TENM2: variants seen among roughly 807,000 people sequenced by gnomAD.
TENM2 encodes teneurin-2.
Under a neutral mutation model 245.2 loss-of-function variants are expected in TENM2, and 52 were observed. The ratio of observed to expected loss-of-function variants is 0.21; its 90% CI spans 0.17 to 0.27. The LOEUF is 0.27. TENM2 is among the 10% of genes least tolerant of loss of function. The pLI is 1.00. For synonymous variants in TENM2, 1,363 were observed against 1,438.9 expected, an observed-to-expected ratio of 0.95 and a Z score of 1.19; for missense variants, 3,046 against 3,666.8, an observed-to-expected ratio of 0.83 and a Z score of 4.37.
At chr5:167,594,445 T>A (rs1248903058) in intron 2 of TENM2, among the ~76,000 whole-genome samples, 1 of 152,212 alleles carries the variant, frequency 6.6e-6, no homozygotes, top group Non-Finnish European at 1.5e-5. Flanking sequence ...AAATGTGGGT[T>A]GTCATGAAAC....
chr5:167,962,984 A>G lies in TENM2; in HGVS notation c.947+10162A>G, dbSNP rs376995583. ...GCCAAGAGCTATGTTAGGTACTGGCAAGATACTGATTAAAACATGTATTGT... is the reference window on the plus strand; with the variant it reads ...GCCAAGAGCTATGTTAGGTACTGGCGAGATACTGATTAAAACATGTATTGT... On this transcript the variant is annotated intron_variant, in intron 4 of 28. Transcript: ENST00000518659. Among the ~76,000 whole-genome samples the G allele has an allele frequency of 2.8e-4, 43 of 152,314 alleles. No individual in the cohort carries two copies. The South Asian group carries it at 8.5e-3, about 30-fold the overall frequency.
chr5:167,916,290 C>T (rs960406124), intron 3 of TENM2, among the ~76,000 whole-genome samples: 3 of 152,144 alleles, frequency 2.0e-5, no homozygotes, highest in Non-Finnish European at 4.4e-5. Context: ...GCTCCGAATC[C>T]ATTGAAAGGC....
At chr5:167,488,145 A>G (rs1376472726) in intron 2 of TENM2, among the ~76,000 whole-genome samples, 1 of 152,086 alleles carries the variant, frequency 6.6e-6, no homozygotes, top group Admixed American at 6.6e-5. Flanking sequence ...TTCATCATAA[A>G]TTATTCTGTC....
chr5:167,353,252 T>C (rs1004770773), intron 1 of TENM2, among the ~76,000 whole-genome samples: 2 of 141,446 alleles, frequency 1.4e-5, no homozygotes, highest in Admixed American at 1.6e-4. Context: ...ATATAAACTA[T>C]AAAAAAGGGA....
At chr5:166,990,756 A>G in the TENM2 span, among the ~76,000 whole-genome samples, 14 of 152,194 alleles carry the variant, frequency 9.2e-5, no homozygotes, top group African/African-American at 3.4e-4. Context: ...AAAATTTTTT[A>G]CTTTTCTGTT....
chr5:167,063,023 G>A, the TENM2 span, among the ~76,000 whole-genome samples: 312 of 152,302 alleles, frequency 2.0e-3, 2 homozygotes, highest in African/African-American at 6.7e-3. Flanking sequence ...AATTTTTGAT[G>A]TAGGTCAACT....
At chr5:167,153,283 T>G in the TENM2 span, among the ~76,000 whole-genome samples, 9 of 151,986 alleles carry the variant, frequency 5.9e-5, no homozygotes, top group Non-Finnish European at 1.3e-4. Flanking sequence ...GATTAACACG[T>G]ATTTCATGTT....
intron 2 of TENM2, among the ~76,000 whole-genome samples, chr5:167,741,785 C>A (rs1446612629): frequency 2.6e-5 from 4 of 152,206 alleles, no homozygotes; most frequent in African/African-American, 7.2e-5. Context: ...CCATCTTCAG[C>A]CCCTCATTCC....
chr5:167,348,877 T>G (rs1758641916), intron 1 of TENM2, among the ~76,000 whole-genome samples: 1 of 152,196 alleles, frequency 6.6e-6, no homozygotes, highest in Admixed American at 6.5e-5. Context: ...AGAATTGCAT[T>G]AACTTCAACT....
chr5:167,985,413 G>C (rs1783167558), intron 4 of TENM2, among the ~76,000 whole-genome samples: 1 of 152,208 alleles, frequency 6.6e-6, no homozygotes, highest in Admixed American at 6.5e-5. Flanking sequence ...CTGATAACCA[G>C]AGTTGCTTTT....
intron 15 of TENM2, among the ~76,000 whole-genome samples, chr5:168,197,696 T>TC (rs1404902980): frequency 2.8e-5 from 2 of 71,318 alleles, no homozygotes; most frequent in East Asian, 5.4e-4. Flanking sequence ...CGAGACTCCA[T>TC]CCCAAAAAAA....
chr5:167,513,680 T>G (rs1444914953), intron 2 of TENM2, among the ~76,000 whole-genome samples: 2 of 152,194 alleles, frequency 1.3e-5, no homozygotes, highest in East Asian at 1.9e-4. Context: ...GCACTTATTC[T>G]TAGCCTGGGG....
the TENM2 span, among the ~76,000 whole-genome samples, chr5:167,264,077 C>G: frequency 1.3e-5 from 2 of 149,812 alleles, no homozygotes; most frequent in Admixed American, 1.3e-4. Flanking sequence ...TGCACTCTAG[C>G]CTGGGCAATA....
the TENM2 span, among the ~76,000 whole-genome samples, chr5:167,086,534 A>G: frequency 6.6e-6 from 1 of 152,140 alleles, no homozygotes; most frequent in Admixed American, 6.5e-5. Flanking sequence ...CCCCTGAGGA[A>G]ATGCATAGGA....
At chr5:167,576,331 A>ATTTT (rs35031872) in intron 2 of TENM2, among the ~76,000 whole-genome samples, 60 of 146,582 alleles carry the variant, frequency 4.1e-4, no homozygotes, top group African/African-American at 1.4e-3. Flanking sequence ...AGAAAAGAGC[A>ATTTT]TTTTTTTTTT....
intron 2 of TENM2, among the ~76,000 whole-genome samples, chr5:167,743,290 C>G (rs1201653849): frequency 6.6e-6 from 1 of 152,010 alleles, no homozygotes; most frequent in East Asian, 1.9e-4. Context: ...GCTGCTTGGC[C>G]CCTACTGTTT....
At chr5:167,266,305 G>A in the TENM2 span, among the ~76,000 whole-genome samples, 1 of 152,200 alleles carries the variant, frequency 6.6e-6, no homozygotes, top group East Asian at 1.9e-4. Flanking sequence ...CACAGAAAGA[G>A]AGGTCATGAA....
intron 2 of TENM2, among the ~76,000 whole-genome samples, chr5:167,542,371 C>T (rs952679300): frequency 6.6e-6 from 1 of 152,114 alleles, no homozygotes; most frequent in African/African-American, 2.4e-5. Context: ...TAGGAGCTCA[C>T]CATCAGGTCT....
chr5:167,141,053 A>G, the TENM2 span, among the ~76,000 whole-genome samples: 1 of 152,102 alleles, frequency 6.6e-6, no homozygotes, highest in Non-Finnish European at 1.5e-5. Context: ...GTCAGTTTCT[A>G]TGGAGTGCAG....
Sources: allele counts gnomAD v4.1 joint callset (sites outside exome capture counted in the v4.1 genomes callset), GRCh38; gene constraint gnomAD v4.1.1; transcripts MANE v1.5; gene names NCBI Gene and HGNC (gene_info 2026-07-23, HGNC 2026-07-21).